Variants in OR7A10 observed in about 807,000 individuals in gnomAD.
OR7A10 encodes the protein olfactory receptor family 7 subfamily A member 10, also known as olfactory receptor 7A10.
For missense variants in OR7A10, 358 were observed against 370.1 expected (o/e 0.97, Z 0.27); for synonymous variants, 144 against 144.5 (o/e 1.00, Z 0.02).
chr19:14,843,022 GGACACGAGCA>G (rs1204926101), intron 1 of OR7A10, among the ~76,000 whole-genome samples: 1 of 152,124 alleles, frequency 6.6e-6, no homozygotes, highest in Non-Finnish European at 1.5e-5. Context: ...TGTGGGCAAA[GGACACGAGCA>G]GACACTTCAG....
Position 14,840,820 on chromosome 19 carries a change from A to T in OR7A10, c.*128T>A, listed in dbSNP as rs1448182277. On this transcript the variant is annotated 3_prime_UTR_variant, in exon 2 of 2. Transcript: ENST00000641129. ...TCTATAAAGTAGTTGAGGAACAAAG[A>T]AGTTTAAACTCCAGGAAATAAATGG... 6.2e-6 allele frequency: 4 copies of T among 648,068 alleles called. No individual in the cohort carries two copies. The highest frequency in any genetic ancestry group is 1.1e-5 in the Non-Finnish European group (4 of 376,486). The allele number at this position is 648,068 out of a possible 1,614,324, so 40.1% of individuals were successfully genotyped here. A position where few individuals can be genotyped will look rare whatever the true frequency, so the allele number is the denominator to read the frequency against.
At chr19:14,844,044 A>G (rs10854132) in intron 1 of OR7A10, among the ~76,000 whole-genome samples, 117,260 of 152,106 alleles carry the variant, frequency 0.77, 45,637 homozygotes, top group East Asian at 1. Flanking sequence ...CAAACTGCAC[A>G]TTCTGCACAT....
chr19:14,841,915 AG>A, intron 1 of OR7A10, 26 bp from the exon 2 acceptor site: 1 of 1,421,146 alleles, frequency 7.0e-7, no homozygotes, highest in Non-Finnish European at 9.7e-7. Context: ...AGAGAGAGAG[AG>A]AGAGAGTGAA....
At chr19:14,844,028 T>C (rs1012694249) in intron 1 of OR7A10, among the ~76,000 whole-genome samples, 31 of 152,174 alleles carry the variant, frequency 2.0e-4, no homozygotes, top group Admixed American at 4.6e-4. Flanking sequence ...TATGTACCTA[T>C]GTAACCAAAC....
At position 14,841,840 on chromosome 19, in the gene OR7A10, A is replaced by G; in HGVS notation, c.38T>C (p.Leu13Pro). The change falls in exon 2 of 2, where the codon CTT becomes CCT. Residue 13 changes from leucine (L) to proline (P), a missense_variant. Leu to Pro is a moderately conservative substitution (Grantham distance 98). Coordinates refer to ENST00000641129, the MANE Select transcript of OR7A10 (RefSeq NM_001005190.2). The part of the protein sequence containing the change: ...SWNNTIILEF[L>P]LLGISEEPEL... Reference sequence around the variant, plus strand: ...TGGTTCCTCTGAAATTCCCAGGAGAAGAAATTCTAAAATTATTGTATTGTT... The same window carrying G: ...TGGTTCCTCTGAAATTCCCAGGAGAGGAAATTCTAAAATTATTGTATTGTT... The G allele has an allele frequency of 6.2e-7, 1 of 1,613,244 alleles. No individual in the cohort carries two copies. The highest frequency in any genetic ancestry group is 8.5e-7 in the Non-Finnish European group (1 of 1,179,492).
chr19:14,841,152 T>G lies in OR7A10; in HGVS notation c.726A>C (p.Ala242=). 16 of 1,614,070 alleles carry G rather than the reference T, an allele frequency of 9.9e-6. No homozygotes were observed. Among genetic ancestry groups the G allele is most frequent in the Non-Finnish European group, 1.3e-5 (15 of 1,180,008 alleles). ...ATAAGGAGACAACTGAGAGGTGAGATGCACAGGTGGAAAATGCCTTATACT... is the reference window on the plus strand; with the variant it reads ...ATAAGGAGACAACTGAGAGGTGAGAGGCACAGGTGGAAAATGCCTTATACT... The part of the protein sequence containing the change: ...QGKYKAFSTC[A]SHLSVVSLFY... Residue 242 remains alanine, a synonymous_variant, in exon 2 of 2, where the codon GCA becomes GCC. Transcript: ENST00000641129.
chr19:14,844,664 G>GTTTTTTGTTTTGT, intron 1 of OR7A10, among the ~76,000 whole-genome samples: 1 of 97,666 alleles, frequency 1.0e-5, no homozygotes, highest in Admixed American at 1.4e-4. Context: ...TGAGTTCTGT[G>GTTTTTTGTTTTGT]TTTTTTTTTT....
chr19:14,848,059 G>T (rs2044951646), intron 1 of OR7A10, among the ~76,000 whole-genome samples: 1 of 151,586 alleles, frequency 6.6e-6, no homozygotes. Context: ...GGAGGCAGAG[G>T]TTGCAGTGAG....
chr19:14,842,494 G>A (rs192149604), intron 1 of OR7A10, among the ~76,000 whole-genome samples: 83 of 152,256 alleles, frequency 5.5e-4, no homozygotes, highest in African/African-American at 1.7e-3. Flanking sequence ...CAGGTGATCC[G>A]CCTGCCTCAG....
chr19:14,846,094 C>T (rs543917176), intron 1 of OR7A10, among the ~76,000 whole-genome samples: 1 of 152,114 alleles, frequency 6.6e-6, no homozygotes, highest in Non-Finnish European at 1.5e-5. Context: ...GCGGAGGTTG[C>T]AGTAAGCCGA....
intron 1 of OR7A10, among the ~76,000 whole-genome samples, chr19:14,842,886 A>C (rs150727445): frequency 9.2e-5 from 14 of 152,212 alleles, no homozygotes; most frequent in Non-Finnish European, 4.4e-5. Context: ...ATACCTAGTA[A>C]TGGGATTGGT....
At chr19:14,842,220 C>A (rs968816498) in intron 1 of OR7A10, among the ~76,000 whole-genome samples, 2 of 152,178 alleles carry the variant, frequency 1.3e-5, no homozygotes, top group South Asian at 2.1e-4. Flanking sequence ...TCTCCTCCCA[C>A]CTTCCACCCT....
At position 14,841,894 on chromosome 19, in the gene OR7A10, C is replaced by CAGAGAGAGAGAGAGAGAG. The variant is rs141373725; in HGVS notation, c.-12-23_-12-6dup. On this transcript the variant is annotated splice_polypyrimidine_tract_variant and splice_region_variant and intron_variant, in intron 1 of 1. Coordinates refer to ENST00000641129, the MANE Select transcript of OR7A10 (RefSeq NM_001005190.2). ...TGATTTCATCTTGTGATGTGACTAC[C>CAGAGAGAGAGAGAGAGAG]AGAGAGAGAGAGAGAGAGAGAGAGA... 39 of 1,295,968 alleles carry CAGAGAGAGAGAGAGAGAG rather than the reference C, an allele frequency of 3.0e-5. No homozygotes were observed. In the South Asian group the frequency reaches 3.2e-4, roughly 11 times the overall value. 80.3% of individuals were successfully genotyped at this position (1,295,968 alleles called of 1,614,324 possible). A position where few individuals can be genotyped will look rare whatever the true frequency, so the allele number is the denominator to read the frequency against.
intron 1 of OR7A10, among the ~76,000 whole-genome samples, chr19:14,848,278 C>T (rs1176490475): frequency 1.3e-5 from 2 of 152,150 alleles, no homozygotes; most frequent in South Asian, 4.1e-4. Context: ...GCTTTTATTA[C>T]CCTTACTTGA....
intron 1 of OR7A10, among the ~76,000 whole-genome samples, chr19:14,846,904 G>A (rs773072713): frequency 1.4e-4 from 22 of 152,206 alleles, no homozygotes; most frequent in Middle Eastern, 3.4e-3. Flanking sequence ...TTTATATATA[G>A]AAGGTGATTT....
At chr19:14,847,607 T>C (rs1163937247) in intron 1 of OR7A10, among the ~76,000 whole-genome samples, 2 of 151,978 alleles carry the variant, frequency 1.3e-5, no homozygotes, top group African/African-American at 2.4e-5. Flanking sequence ...ACCTCCCGGG[T>C]TGACGCCATC....
At position 14,841,740 on chromosome 19, in the gene OR7A10, G is replaced by A. The variant is rs1474296419; in HGVS notation, c.138C>T (p.Ile46=). ...LVTVLGNLLI[I]LATISDSHLH... ...GGTGGGAGTCTGAGATTGTGGCCAG[G>A]ATGATGAGCAGGTTCCCGAGCACAG... The change falls in exon 2 of 2, where the codon ATC becomes ATT. Residue 46 remains isoleucine (I), a synonymous_variant. Coordinates refer to ENST00000641129, the MANE Select transcript of OR7A10 (RefSeq NM_001005190.2). 1 of 1,614,120 alleles carries A rather than the reference G, an allele frequency of 6.2e-7. No individual in the cohort carries two copies. Among genetic ancestry groups the A allele is most frequent in the African/African-American group, 1.3e-5 (1 of 75,016 alleles).
At chr19:14,845,120 C>T (rs893922532) in intron 1 of OR7A10, among the ~76,000 whole-genome samples, 2 of 151,748 alleles carry the variant, frequency 1.3e-5, no homozygotes, top group South Asian at 2.1e-4. Flanking sequence ...ATGTGCATCA[C>T]ATCGTGGCCT....
chr19:14,848,284 C>T (rs1273538666), intron 1 of OR7A10, among the ~76,000 whole-genome samples: 1 of 152,186 alleles, frequency 6.6e-6, no homozygotes, highest in Non-Finnish European at 1.5e-5. Flanking sequence ...ATTACCCTTA[C>T]TTGATTGTCG....
Sources: gnomAD v4.1 joint callset for allele counts (sites outside exome capture counted in the v4.1 genomes callset) on GRCh38, gnomAD v4.1.1 for gene constraint, MANE v1.5 for transcripts, NCBI Gene and HGNC (gene_info 2026-07-23, HGNC 2026-07-21) for gene names.